GRIK2: variants seen among roughly 807,000 people sequenced by gnomAD.
The protein encoded by GRIK2 is glutamate receptor ionotropic, kainate 2.
A neutral mutation model predicts 100.3 loss-of-function variants in GRIK2; 32 were observed. The observed-to-expected ratio is 0.32, with a 90% CI of 0.24 to 0.43. The LOEUF (loss-of-function observed/expected upper bound fraction) is 0.43. Among genes scored for constraint, GRIK2 ranks in the 20% least tolerant of loss-of-function variants. The pLI, the probability that GRIK2 is intolerant of heterozygous loss-of-function variation, is 1.00. For missense variants in GRIK2, 843 were observed against 1,114.9 expected (o/e 0.76, Z 3.47); for synonymous variants, 417 against 389.4 (o/e 1.07, Z -0.83).
chr6:101,736,311 A>C (rs1303541903), intron 7 of GRIK2, among the ~76,000 whole-genome samples: 1 of 152,198 alleles, frequency 6.6e-6, no homozygotes, highest in African/African-American at 2.4e-5. Context: ...GCAGTGCCCC[A>C]GTAGGGGCTC....
At chr6:101,978,057 C>A (rs564655576) in intron 14 of GRIK2, among the ~76,000 whole-genome samples, 1 of 151,980 alleles carries the variant, frequency 6.6e-6, no homozygotes, top group African/African-American at 2.4e-5. Context: ...GGTTACATTC[C>A]TGCCTGATAG....
At chr6:101,416,968 G>C (rs994414032) in intron 2 of GRIK2, among the ~76,000 whole-genome samples, 5 of 152,158 alleles carry the variant, frequency 3.3e-5, no homozygotes, top group Non-Finnish European at 7.3e-5. Context: ...AATGCCTAAA[G>C]GTGACTGTGC....
chr6:101,600,238 C>T (rs563086803), intron 2 of GRIK2, among the ~76,000 whole-genome samples: 12 of 151,744 alleles, frequency 7.9e-5, no homozygotes, highest in East Asian at 5.8e-4. Context: ...CTGGGTTCTC[C>T]GTTCTTTTCC....
chr6:101,667,448 C>T (rs891595474), intron 4 of GRIK2, among the ~76,000 whole-genome samples: 3 of 152,136 alleles, frequency 2.0e-5, no homozygotes, highest in South Asian at 4.1e-4. Flanking sequence ...TACACATGTA[C>T]ATGTATTAAG....
intron 2 of GRIK2, among the ~76,000 whole-genome samples, chr6:101,487,077 C>T (rs1772871471): frequency 6.8e-6 from 1 of 146,612 alleles, no homozygotes; most frequent in Admixed American, 6.8e-5. Context: ...TCATACCACA[C>T]AGATGACTAC....
intron 14 of GRIK2, among the ~76,000 whole-genome samples, chr6:102,023,439 A>G (rs928566746): frequency 2.0e-5 from 3 of 151,578 alleles, no homozygotes; most frequent in Admixed American, 1.3e-4. Flanking sequence ...TGTGGCTTGT[A>G]GGGTAACAAA....
chr6:101,424,116 T>C (rs558414534), intron 2 of GRIK2, among the ~76,000 whole-genome samples: 14 of 152,280 alleles, frequency 9.2e-5, no homozygotes, highest in African/African-American at 3.4e-4. Context: ...ATAAAATTCA[T>C]AACAAGTGCT....
At chr6:101,441,059 C>T (rs1770021558) in intron 2 of GRIK2, among the ~76,000 whole-genome samples, 1 of 151,346 alleles carries the variant, frequency 6.6e-6, no homozygotes, top group Non-Finnish European at 1.5e-5. Flanking sequence ...CTCACTGCAG[C>T]CTTGGTCTTC....
At chr6:101,677,780 G>A (rs1281730319) in intron 5 of GRIK2, among the ~76,000 whole-genome samples, 1 of 152,084 alleles carries the variant, frequency 6.6e-6, no homozygotes, top group East Asian at 1.9e-4. Context: ...AGATTCAGAT[G>A]TCAAATTATA....
chr6:101,552,896 A>T (rs1776576601), intron 2 of GRIK2, among the ~76,000 whole-genome samples: 2 of 152,212 alleles, frequency 1.3e-5, no homozygotes, highest in African/African-American at 2.4e-5. Context: ...TCTATGTCTG[A>T]AGTTCAAACT....
intron 2 of GRIK2, among the ~76,000 whole-genome samples, chr6:101,576,465 CT>C (rs1777792939): frequency 1.3e-5 from 2 of 151,888 alleles, no homozygotes; most frequent in African/African-American, 2.4e-5. Flanking sequence ...AATCAATATT[CT>C]TTTTTTTCCT....
At chr6:102,060,373 T>C (rs1262093893) in intron 16 of GRIK2, among the ~76,000 whole-genome samples, 2 of 150,696 alleles carry the variant, frequency 1.3e-5, no homozygotes, top group African/African-American at 2.4e-5. Flanking sequence ...TGGGGGATGA[T>C]AAGAAGAAAA....
At chr6:101,870,668 G>A (rs536445054) in intron 11 of GRIK2, among the ~76,000 whole-genome samples, 14 of 151,418 alleles carry the variant, frequency 9.2e-5, no homozygotes, top group South Asian at 2.1e-4. Context: ...TACATTGTAC[G>A]TGTGATTACT....
At chr6:101,484,546 C>CAT (rs1335370444) in intron 2 of GRIK2, among the ~76,000 whole-genome samples, 1 of 151,208 alleles carries the variant, frequency 6.6e-6, no homozygotes, top group East Asian at 1.9e-4. Context: ...ACTACACACA[C>CAT]ACACACACAC....
At chr6:101,519,716 TG>T (rs1774776404) in intron 2 of GRIK2, among the ~76,000 whole-genome samples, 2 of 152,132 alleles carry the variant, frequency 1.3e-5, no homozygotes, top group South Asian at 4.1e-4. Context: ...TATGAACCAT[TG>T]CCGGTACTTA....
At chr6:101,495,132 A>G (rs895084969) in intron 2 of GRIK2, among the ~76,000 whole-genome samples, 1 of 151,620 alleles carries the variant, frequency 6.6e-6, no homozygotes, top group Non-Finnish European at 1.5e-5. Flanking sequence ...TTGTGTATGT[A>G]TCTATCATCT....
chr6:101,872,892 C>T (rs1785522929), intron 11 of GRIK2, among the ~76,000 whole-genome samples: 1 of 151,774 alleles, frequency 6.6e-6, no homozygotes, highest in Admixed American at 6.6e-5. Flanking sequence ...GATTTATGAG[C>T]CGAGCTTTAT....
chr6:101,614,482 A>T (rs1359028731), intron 2 of GRIK2, among the ~76,000 whole-genome samples: 1 of 151,626 alleles, frequency 6.6e-6, no homozygotes, highest in East Asian at 1.9e-4. Context: ...CCACTATATC[A>T]TTATTTTGCC....
intron 7 of GRIK2, among the ~76,000 whole-genome samples, chr6:101,754,403 A>C (rs1583078158): frequency 6.6e-6 from 1 of 152,320 alleles, no homozygotes; most frequent in East Asian, 1.9e-4. Context: ...GAGACAGTAA[A>C]ATGATTTAGG....
Sources: gnomAD v4.1 joint callset for allele counts (sites outside exome capture counted in the v4.1 genomes callset) on GRCh38, gnomAD v4.1.1 for gene constraint, MANE v1.5 for transcripts, NCBI Gene and HGNC (gene_info 2026-07-23, HGNC 2026-07-21) for gene names.